The following CHN2 variants were observed in gnomAD, a reference collection of about 807,000 sequenced individuals.
The protein encoded by CHN2 is beta-chimaerin.
CHN2 carries 35 observed loss-of-function variants against 56.3 expected under a neutral mutation model. The ratio of observed to expected loss-of-function variants is 0.62; its 90% confidence interval spans 0.47 to 0.82. The LOEUF (loss-of-function observed/expected upper bound fraction) is 0.82. CHN2 is among the 40% of genes least tolerant of loss of function. CHN2 has a pLI of 0.00. For missense variants in CHN2, 491 were observed against 580.5 expected (o/e 0.85, Z 1.58); for synonymous variants, 210 against 212.8 (o/e 0.99, Z 0.12).
chr7:29,222,875 G>A (rs956466237), intron 1 of CHN2, among the ~76,000 whole-genome samples: 9 of 152,152 alleles, frequency 5.9e-5, no homozygotes, highest in African/African-American at 2.2e-4. Context: ...AATTAAGATA[G>A]TATGATATTG....
At chr7:29,312,026 G>A (rs957760220) in intron 1 of CHN2, among the ~76,000 whole-genome samples, 10 of 152,010 alleles carry the variant, frequency 6.6e-5, no homozygotes, top group African/African-American at 2.4e-4. Flanking sequence ...TTTAAATTTT[G>A]GGTATGATTT....
At chr7:29,155,946 G>T (rs1023002650) in intron 2 of CHN2, among the ~76,000 whole-genome samples, 1 of 152,194 alleles carries the variant, frequency 6.6e-6, no homozygotes, top group Non-Finnish European at 1.5e-5. Context: ...AGACGGCCAC[G>T]TGCTCTTGCA....
chr7:29,464,835 A>G (rs751612672), intron 6 of CHN2, among the ~76,000 whole-genome samples: 1 of 152,190 alleles, frequency 6.6e-6, no homozygotes, highest in Admixed American at 6.5e-5. Context: ...GAGGAAGCTG[A>G]ATGTGAAGGT....
intron 6 of CHN2, among the ~76,000 whole-genome samples, chr7:29,431,258 A>G (rs556454575): frequency 6.6e-6 from 1 of 152,330 alleles, no homozygotes; most frequent in South Asian, 2.1e-4. Flanking sequence ...ATCACTTTCA[A>G]TCTCAAAACA....
At chr7:29,379,456 T>C (rs1027653843) in intron 3 of CHN2, among the ~76,000 whole-genome samples, 14 of 152,190 alleles carry the variant, frequency 9.2e-5, no homozygotes, top group Non-Finnish European at 2.1e-4. Context: ...GCCAATGCCT[T>C]TGAGGAAAGA....
At chr7:29,252,727 CTGGG>C (rs1788731373) in intron 1 of CHN2, among the ~76,000 whole-genome samples, 1 of 128,844 alleles carries the variant, frequency 7.8e-6, no homozygotes, top group Non-Finnish European at 1.5e-5. Context: ...TCCCGAGTAG[CTGGG>C]ACTACAGGCG....
intron 6 of CHN2, among the ~76,000 whole-genome samples, chr7:29,415,794 T>C (rs866797883): frequency 1.5e-4 from 23 of 152,358 alleles, no homozygotes; most frequent in Middle Eastern, 3.4e-3. Flanking sequence ...CCTGGGGCTC[T>C]GGGACATCAA....
At chr7:29,420,642 G>A (rs543812628) in intron 6 of CHN2, among the ~76,000 whole-genome samples, 11 of 152,340 alleles carry the variant, frequency 7.2e-5, no homozygotes, top group African/African-American at 2.6e-4. Context: ...GTCAAGGGCT[G>A]AGGGGAGAAG....
At chr7:29,384,823 ATCT>A (rs1800796213) in intron 3 of CHN2, among the ~76,000 whole-genome samples, 1 of 152,164 alleles carries the variant, frequency 6.6e-6, no homozygotes, top group African/African-American at 2.4e-5. Flanking sequence ...TTCCTGAGAA[ATCT>A]TCTGTGACCT....
chr7:29,365,037 T>C (rs1459663417), intron 2 of CHN2, among the ~76,000 whole-genome samples: 4 of 152,238 alleles, frequency 2.6e-5, no homozygotes, highest in Non-Finnish European at 4.4e-5. Flanking sequence ...CTTAACAGAA[T>C]GTCAAGAGTA....
At chr7:29,216,102 T>C (rs13246626) in intron 1 of CHN2, among the ~76,000 whole-genome samples, 20,156 of 152,176 alleles carry the variant, frequency 0.13, 1,703 homozygotes, top group Non-Finnish European at 0.19. Context: ...GTATACATTT[T>C]AGTTGCTGAA....
chr7:29,476,712 G>A (rs1216621219), intron 6 of CHN2, among the ~76,000 whole-genome samples: 1 of 152,144 alleles, frequency 6.6e-6, no homozygotes, highest in Non-Finnish European at 1.5e-5. Flanking sequence ...ATTTGGCCAT[G>A]TCTGGAGACA....
At chr7:29,493,448 A>G (rs1355800354) in intron 7 of CHN2, among the ~76,000 whole-genome samples, 1 of 152,144 alleles carries the variant, frequency 6.6e-6, no homozygotes, top group African/African-American at 2.4e-5. Context: ...AGATGGTGAA[A>G]TTTATACCTC....
At chr7:29,296,240 C>T (rs1173449917) in intron 1 of CHN2, among the ~76,000 whole-genome samples, 1 of 152,026 alleles carries the variant, frequency 6.6e-6, no homozygotes, top group South Asian at 2.1e-4. Flanking sequence ...CCCACCACCA[C>T]GCCCAGCTAA....
At chr7:29,207,564 C>A (rs1784612942) in intron 1 of CHN2, among the ~76,000 whole-genome samples, 1 of 152,118 alleles carries the variant, frequency 6.6e-6, no homozygotes, top group Non-Finnish European at 1.5e-5. Flanking sequence ...AGTTAATTAG[C>A]TTTTTATCCA....
chr7:29,436,859 G>A (rs746446258), intron 6 of CHN2, among the ~76,000 whole-genome samples: 5 of 151,770 alleles, frequency 3.3e-5, no homozygotes, highest in South Asian at 2.1e-4. Context: ...AGAATTCCCC[G>A]GGTCTTAAAC....
At chr7:29,323,319 T>C (rs39125) in intron 1 of CHN2, among the ~76,000 whole-genome samples, 132,155 of 152,174 alleles carry the variant, frequency 0.87, 57,569 homozygotes, top group East Asian at 1. Context: ...CTTTCTTCAG[T>C]TGTGTCTTAC....
intron 1 of CHN2, among the ~76,000 whole-genome samples, chr7:29,263,814 G>A (rs1584906103): frequency 6.6e-6 from 1 of 151,288 alleles, no homozygotes; most frequent in Admixed American, 6.6e-5. Flanking sequence ...TGGGAGGTGA[G>A]GGGCGTCTCT....
chr7:29,292,427 A>C (rs1384778955), intron 1 of CHN2, among the ~76,000 whole-genome samples: 1 of 152,238 alleles, frequency 6.6e-6, no homozygotes, highest in East Asian at 1.9e-4. Context: ...AATATTTTAC[A>C]ATCTATTCTT....
Sources: allele counts gnomAD v4.1 joint callset (sites outside exome capture counted in the v4.1 genomes callset), GRCh38; gene constraint gnomAD v4.1.1; transcripts MANE v1.5; gene names NCBI Gene and HGNC (gene_info 2026-07-23, HGNC 2026-07-21).